CNTNAP2: variants seen among roughly 807,000 people sequenced by gnomAD.
The protein encoded by CNTNAP2 is contactin-associated protein-like 2.
In CNTNAP2, 98 loss-of-function variants were observed where a neutral mutation model predicts 155.2. The observed-to-expected ratio is 0.63, with a 90% confidence interval of 0.54 to 0.75. The LOEUF (loss-of-function observed/expected upper bound fraction) is 0.75. Among genes scored for constraint, CNTNAP2 ranks in the 30% least tolerant of loss-of-function variants. The pLI is 0.00. For missense variants in CNTNAP2, 1,727 were observed against 1,688.1 expected, an observed-to-expected ratio of 1.02 and a Z score of -0.40; for synonymous variants, 651 against 631.2, an observed-to-expected ratio of 1.03 and a Z score of -0.47.
At chr7:146,924,312 A>G (rs2129220854) in intron 3 of CNTNAP2, among the ~76,000 whole-genome samples, 1 of 152,250 alleles carries the variant, frequency 6.6e-6, no homozygotes, top group African/African-American at 2.4e-5. Context: ...TCTGCACCAC[A>G]GATCAGTTTC....
chr7:147,312,233 A>T (rs1298116119), intron 9 of CNTNAP2, among the ~76,000 whole-genome samples: 3 of 150,954 alleles, frequency 2.0e-5, no homozygotes, highest in African/African-American at 7.3e-5. Context: ...AATATTTTCT[A>T]CTCCTCCTGG....
At chr7:148,000,634 C>T (rs1801879458) in intron 15 of CNTNAP2, among the ~76,000 whole-genome samples, 1 of 152,156 alleles carries the variant, frequency 6.6e-6, no homozygotes, top group Non-Finnish European at 1.5e-5. Flanking sequence ...TTTAGCAAGG[C>T]TGCACCAGAC....
At chr7:147,106,120 C>T (rs1800761065) in intron 4 of CNTNAP2, among the ~76,000 whole-genome samples, 1 of 151,902 alleles carries the variant, frequency 6.6e-6, no homozygotes, top group Admixed American at 6.6e-5. Context: ...ACGTTTACTT[C>T]CTGAAAGATG....
At chr7:148,099,909 G>A (rs1416158074) in intron 15 of CNTNAP2, among the ~76,000 whole-genome samples, 1 of 111,628 alleles carries the variant, frequency 9.0e-6, no homozygotes, top group Non-Finnish European at 1.6e-5. Flanking sequence ...GTCTCACTCT[G>A]TCACCCAGAC....
chr7:147,636,802 A>G (rs1795188377), intron 12 of CNTNAP2, among the ~76,000 whole-genome samples: 1 of 152,180 alleles, frequency 6.6e-6, no homozygotes. Context: ...ACAGACTTTA[A>G]AAAAATAAAA....
intron 15 of CNTNAP2, among the ~76,000 whole-genome samples, chr7:148,020,562 A>G (rs1802261115): frequency 1.3e-5 from 2 of 152,374 alleles, no homozygotes; most frequent in Middle Eastern, 3.4e-3. Context: ...TACACAAGTT[A>G]AATCCATTTT....
Position 148,415,581 on chromosome 7 carries a change from A to T in CNTNAP2, c.3961A>T (p.Thr1321Ser), listed in dbSNP as rs1238457616. ...IMNNDPNFTETIDESKKEWLI is the reference protein window; with the variant it reads ...IMNNDPNFTESIDESKKEWLI ...GAACAACGACCCCAACTTCACAGAG[A>T]CCATTGATGAAAGCAAAAAGGAATG... Residue 1321 changes from threonine to serine, a missense_variant, in exon 24 of 24, where the codon ACC becomes TCC. By Grantham distance (58) the Thr-to-Ser change is moderately conservative (BLOSUM62 1). Transcript: ENST00000361727. The T allele has an allele frequency of 1.9e-6, 3 of 1,614,206 alleles. No homozygotes were observed. Among genetic ancestry groups the T allele is most frequent in the Non-Finnish European group, 1.7e-6 (2 of 1,180,026 alleles).
chr7:146,529,204 T>C (rs1226407071), intron 1 of CNTNAP2, among the ~76,000 whole-genome samples: 1 of 152,174 alleles, frequency 6.6e-6, no homozygotes, highest in Non-Finnish European at 1.5e-5. Flanking sequence ...TATGAGAAAC[T>C]TCGTGTTTAT....
intron 1 of CNTNAP2, among the ~76,000 whole-genome samples, chr7:146,601,989 A>G (rs141603451): frequency 6.6e-6 from 1 of 152,294 alleles, no homozygotes; most frequent in African/African-American, 2.4e-5. Flanking sequence ...AAATGGATGT[A>G]CAAAGCATTC....
At chr7:147,046,495 T>C (rs1799358649) in intron 4 of CNTNAP2, among the ~76,000 whole-genome samples, 1 of 152,168 alleles carries the variant, frequency 6.6e-6, no homozygotes, top group African/African-American at 2.4e-5. Flanking sequence ...TCTACAATCA[T>C]TTGTTTATTT....
intron 16 of CNTNAP2, among the ~76,000 whole-genome samples, chr7:148,125,655 C>CTGTGTGTGTG (rs763817928): frequency 3.9e-4 from 53 of 136,378 alleles, no homozygotes; most frequent in African/African-American, 8.0e-4. Context: ...TATTATAAAA[C>CTGTGTGTGTG]TGTGTGTGTG....
chr7:146,407,533 G>A (rs1051173861), intron 1 of CNTNAP2, among the ~76,000 whole-genome samples: 3 of 152,022 alleles, frequency 2.0e-5, no homozygotes, highest in African/African-American at 4.8e-5. Flanking sequence ...GGTGTGCCAC[G>A]GCTACGCAAG....
intron 15 of CNTNAP2, among the ~76,000 whole-genome samples, chr7:147,992,787 C>G (rs898546067): frequency 1.3e-5 from 2 of 152,190 alleles, no homozygotes; most frequent in African/African-American, 4.8e-5. Context: ...AGATTCTAGC[C>G]ATACCTCCTT....
At chr7:147,297,013 T>C (rs1020519915) in intron 8 of CNTNAP2, among the ~76,000 whole-genome samples, 1 of 152,158 alleles carries the variant, frequency 6.6e-6, no homozygotes, top group Non-Finnish European at 1.5e-5. Context: ...CAGAGAAAGG[T>C]CAATTACAAA....
rs746349465 is a variant in CNTNAP2, at chr7:148,218,936, CT to C, written c.3247+1436del. 4.4e-3 allele frequency among the ~76,000 whole-genome samples: 324 copies of C among 73,642 alleles called. 1 individual carries two copies. Among genetic ancestry groups the C allele is most frequent in the Middle Eastern group, 0.015 (1 of 66 alleles). 48.3% of individuals were successfully genotyped at this position (73,642 alleles called of 152,430 possible). On this transcript the variant is annotated intron_variant, in intron 19 of 23. Transcript: ENST00000361727. The stretch of plus-strand genomic sequence containing the variant: ...TATACCTTAGAATTCTAAGATCACT[CT>C]TTTTTTTTTTTTTTTTTTTTTTTGG...
rs73740820 is a variant in CNTNAP2, at chr7:146,723,234, G to A, written c.98-51037G>A. 9.8e-3 allele frequency among the ~76,000 whole-genome samples: 1,485 copies of A among 152,144 alleles called. 31 individuals carry two copies. Among genetic ancestry groups the A allele is most frequent in the African/African-American group, 0.034 (1,412 of 41,494 alleles). The stretch of plus-strand genomic sequence containing the variant: ...ATGGCAATGGGAAGATAGAGGCAGA[G>A]GTGGGAGTGCTGCAGCCACGAGACA... On this transcript the variant is annotated intron_variant, in intron 1 of 23. Coordinates refer to ENST00000361727, the MANE Select transcript of CNTNAP2 (RefSeq NM_014141.6).
At chr7:146,890,551 TGA>T (rs1355273313) in intron 3 of CNTNAP2, among the ~76,000 whole-genome samples, 1 of 152,206 alleles carries the variant, frequency 6.6e-6, no homozygotes, top group Non-Finnish European at 1.5e-5. Flanking sequence ...CCACATCTGT[TGA>T]GTTATAATTT....
intron 15 of CNTNAP2, among the ~76,000 whole-genome samples, chr7:148,100,523 A>G (rs1309468196): frequency 3.2e-5 from 4 of 125,774 alleles, no homozygotes; most frequent in African/African-American, 2.0e-4. Flanking sequence ...GGTTTGTGCA[A>G]AAAAACTGCA....
intron 1 of CNTNAP2, among the ~76,000 whole-genome samples, chr7:146,157,803 T>A (rs1461247101): frequency 6.6e-6 from 1 of 152,146 alleles, no homozygotes; most frequent in African/African-American, 2.4e-5. Context: ...ACTCCACTTC[T>A]GGGGGCAGGG....
Sources: gnomAD v4.1 joint callset for allele counts (sites outside exome capture counted in the v4.1 genomes callset) on GRCh38, gnomAD v4.1.1 for gene constraint, MANE v1.5 for transcripts, NCBI Gene and HGNC (gene_info 2026-07-23, HGNC 2026-07-21) for gene names.